Variants in CNTF observed in about 807,000 individuals in gnomAD.
The protein encoded by CNTF is Ciliary Neuronotrophic Factor.
In CNTF, 14 loss-of-function variants were observed where a neutral mutation model predicts 13.0. The observed-to-expected ratio is 1.07, with a 90% CI of 0.71 to 1.68. CNTF has a LOEUF of 1.68. Among genes scored for constraint, CNTF ranks in the 40% most tolerant of loss-of-function variants. The pLI is 0.00. For missense variants in CNTF, 283 were observed against 252.5 expected, an observed-to-expected ratio of 1.12 and a Z score of -0.82; for synonymous variants, 98 against 92.4, an observed-to-expected ratio of 1.06 and a Z score of -0.35.
Position 58,622,856 on chromosome 11 carries a change from C to A in CNTF, c.104C>A (p.Thr35Lys). 2 of 1,612,818 alleles carry A rather than the reference C, an allele frequency of 1.2e-6. No individual in the cohort carries two copies. The highest frequency in any genetic ancestry group is 1.7e-6 in the Non-Finnish European group (2 of 1,179,014). The change falls in exon 1 of 2, where the codon ACG becomes AAG. Residue 35 changes from threonine (T) to lysine (K), a missense_variant. By Grantham distance (78) the Thr-to-Lys change is moderately conservative (BLOSUM62 -1). Coordinates refer to ENST00000361987, the MANE Select transcript of CNTF (RefSeq NM_000614.4). The stretch of plus-strand genomic sequence containing the variant: ...ATTCGTTCAGACCTGACTGCTCTTA[C>A]GGAATCCTATGTAAGTTGCCTATTT... ...RKIRSDLTAL[T>K]ESYVKHQGLN...
At position 58,622,776 on chromosome 11, in the gene CNTF, G is replaced by A. The variant is rs200245057; in HGVS notation, c.24G>A (p.Pro8=). The change falls in exon 1 of 2, where the codon CCG becomes CCA. Residue 8 remains proline, a synonymous_variant. Coordinates refer to ENST00000361987, the MANE Select transcript of CNTF (RefSeq NM_000614.4). ...GGATGGCTTTCACAGAGCATTCACC[G>A]CTGACCCCTCACCGTCGGGACCTCT... MAFTEHS[P]LTPHRRDLCS... is the part of the protein sequence containing the mutation. The A allele has an allele frequency of 6.2e-6, 10 of 1,613,854 alleles. No individual in the cohort carries two copies. The highest frequency in any genetic ancestry group is 3.3e-5 in the Admixed American group (2 of 59,990).
intron 1 of CNTF, 42 bp downstream of exon 1, chr11:58,622,908 T>G (rs1375797122): frequency 7.0e-7 from 1 of 1,422,338 alleles, no homozygotes; most frequent in African/African-American, 1.4e-5. Flanking sequence ...CCCTTCATCT[T>G]TTTTGATCCA....
chr11:58,624,798 GACA>G lies in CNTF; in HGVS notation c.*279_*281del. 1 of 404,908 alleles carries G rather than the reference GACA, an allele frequency of 2.5e-6. No individual in the cohort carries two copies. Among genetic ancestry groups the G allele is most frequent in the South Asian group, 2.4e-5 (1 of 41,994 alleles). 25.1% of individuals were successfully genotyped at this position (404,908 alleles called of 1,614,324 possible). ...GCAGGTGTAAGAGAGTGGGAGCAGG[GACA>G]ACGTCCTTCCACTTCAGGGTTCTAA... On this transcript the variant is annotated 3_prime_UTR_variant, in exon 2 of 2. Coordinates refer to ENST00000361987, the MANE Select transcript of CNTF (RefSeq NM_000614.4).
In CNTF at chr11:58,624,442, G is replaced by T; in HGVS notation, c.523G>T (p.Asp175Tyr). ...LSQWTVRSIH[D>Y]LRFISSHQTG... is the part of the protein sequence containing the mutation. ...ACAGTGGACAGTAAGGTCCATCCAT[G>T]ACCTTCGTTTCATTTCTTCTCATCA... The change falls in exon 2 of 2, where the codon GAC becomes TAC. Residue 175 changes from aspartate to tyrosine, a missense_variant. Transcript: ENST00000361987. 1 of 1,613,966 alleles carries T rather than the reference G, an allele frequency of 6.2e-7. No individual in the cohort carries two copies. The highest frequency in any genetic ancestry group is 8.5e-7 in the Non-Finnish European group (1 of 1,179,968).
chr11:58,623,519 C>T (rs957935030), intron 1 of CNTF, among the ~76,000 whole-genome samples: 3 of 152,166 alleles, frequency 2.0e-5, no homozygotes, highest in Admixed American at 6.5e-5. Flanking sequence ...AATACTCCAA[C>T]CCCTGTGGAG....
In CNTF at chr11:58,624,664, C is replaced by A; in HGVS notation, c.*142C>A. On this transcript the variant is annotated 3_prime_UTR_variant, in exon 2 of 2. Transcript: ENST00000361987. ...TTCTTTTTTCTCTGACCACCTGCAG[C>A]CTGTTGAAGGACTACAGGTATTTTC... 1.1e-6 allele frequency: 1 copy of A among 930,144 alleles called. No individual in the cohort carries two copies. Among genetic ancestry groups the A allele is most frequent in the Non-Finnish European group, 1.6e-6 (1 of 609,262 alleles). The allele number at this position is 930,144 out of a possible 1,614,324, so 57.6% of individuals were successfully genotyped here.
chr11:58,624,498 T>C lies in CNTF; in HGVS notation c.579T>C (p.Tyr193=), dbSNP rs759739322. The change falls in exon 2 of 2, where the codon TAT becomes TAC. Residue 193 remains tyrosine, a synonymous_variant. Transcript: ENST00000361987. ...QTGIPARGSH[Y]IANNKKM is the part of the protein sequence containing the mutation. ...GGATCCCAGCACGTGGGAGCCATTA[T>C]ATTGCTAACAACAAGAAAATGTAGC... The C allele has an allele frequency of 6.2e-7, 1 of 1,613,976 alleles. No individual in the cohort carries two copies. The highest frequency in any genetic ancestry group is 1.3e-5 in the African/African-American group (1 of 74,920).
At chr11:58,622,994 T>C in intron 1 of CNTF, 128 bp downstream of exon 1, 2 of 746,646 alleles carry the variant, frequency 2.7e-6, no homozygotes, top group South Asian at 1.5e-5. Context: ...ATAGGTTATT[T>C]GACATGGGCC....
chr11:58,623,242 T>C (rs1855880085), intron 1 of CNTF, among the ~76,000 whole-genome samples: 3 of 152,206 alleles, frequency 2.0e-5, no homozygotes, highest in South Asian at 4.1e-4. Flanking sequence ...ATGAAAGGTT[T>C]ATGGGATAGG....
intron 1 of CNTF, among the ~76,000 whole-genome samples, 188 bp downstream of exon 1, chr11:58,623,054 T>G (rs536302857): frequency 3.7e-4 from 56 of 152,308 alleles, no homozygotes; most frequent in African/African-American, 1.3e-3. Context: ...CTGGGCTGTT[T>G]AGGAGATGAA....
Position 58,622,686 on chromosome 11 carries a change from T to A in CNTF, c.-67T>A. On this transcript the variant is annotated 5_prime_UTR_variant, in exon 1 of 2. Coordinates refer to ENST00000361987, the MANE Select transcript of CNTF (RefSeq NM_000614.4). ...GTTTAGTCTTTGAGAGTCACATCTCTTATTTGGACCAGTATAGACAGAAGT... is the reference window on the plus strand; with the variant it reads ...GTTTAGTCTTTGAGAGTCACATCTCATATTTGGACCAGTATAGACAGAAGT... The A allele has an allele frequency of 8.6e-7, 1 of 1,162,306 alleles. No individual in the cohort carries two copies. Among genetic ancestry groups the A allele is most frequent in the Non-Finnish European group, 1.3e-6 (1 of 776,994 alleles). The allele number at this position is 1,162,306 out of a possible 1,614,324, so 72.0% of individuals were successfully genotyped here. A position where few individuals can be genotyped will look rare whatever the true frequency, so the allele number is the denominator to read the frequency against.
chr11:58,623,099 GA>G (rs1367160387), intron 1 of CNTF, among the ~76,000 whole-genome samples: 1 of 152,268 alleles, frequency 6.6e-6, no homozygotes, highest in East Asian at 1.9e-4. Flanking sequence ...TGGAGTTCTA[GA>G]AAGGATTGGT....
intron 1 of CNTF, 69 bp from the exon 2 acceptor site, chr11:58,623,965 A>G (rs1483013010): frequency 6.4e-7 from 1 of 1,560,302 alleles, no homozygotes; most frequent in East Asian, 2.2e-5. Flanking sequence ...TTTGTATGAA[A>G]TTTAGGGGTG....
At position 58,622,703 on chromosome 11, in the gene CNTF, G is replaced by T; in HGVS notation, c.-50G>T. The T allele has an allele frequency of 7.4e-7, 1 of 1,345,052 alleles. No individual in the cohort carries two copies. Among genetic ancestry groups the T allele is most frequent in the South Asian group, 1.2e-5 (1 of 84,258 alleles). 83.3% of individuals were successfully genotyped at this position (1,345,052 alleles called of 1,614,324 possible). A position where few individuals can be genotyped will look rare whatever the true frequency, so the allele number is the denominator to read the frequency against. On this transcript the variant is annotated 5_prime_UTR_variant, in exon 1 of 2. Transcript: ENST00000361987. ...CACATCTCTTATTTGGACCAGTATA[G>T]ACAGAAGTAAACCCAGCTGACTTGT... is the stretch of plus-strand genomic sequence containing the variant.
rs1590637520 is a variant in CNTF at position 58,624,494 on chromosome 11, A to G, written c.575A>G (p.His192Arg). ...ACTGGGATCCCAGCACGTGGGAGCCATTATATTGCTAACAACAAGAAAATG... is the reference window on the plus strand; with the variant it reads ...ACTGGGATCCCAGCACGTGGGAGCCGTTATATTGCTAACAACAAGAAAATG... ...HQTGIPARGS[H>R]YIANNKKM Residue 192 changes from histidine to arginine, a missense_variant, in exon 2 of 2, where the codon CAT (histidine) becomes CGT (arginine). His to Arg is a conservative substitution (Grantham distance 29). Coordinates refer to ENST00000361987, the MANE Select transcript of CNTF (RefSeq NM_000614.4). 1.2e-5 allele frequency: 20 copies of G among 1,614,044 alleles called. No individual in the cohort carries two copies. The highest frequency in any genetic ancestry group is 1.7e-5 in the Non-Finnish European group (20 of 1,179,962).
Position 58,624,355 on chromosome 11 carries a change from G to C in CNTF, c.436G>C (p.Val146Leu). Residue 146 changes from valine (V) to leucine (L), a missense_variant, in exon 2 of 2, where the codon GTT becomes CTT. Val to Leu is a conservative substitution (Grantham distance 32). Transcript: ENST00000361987. The part of the protein sequence containing the change: ...RNEADGMPIN[V>L]GDGGLFEKKL... ...TGAGGCTGATGGGATGCCTATTAATGTTGGAGATGGTGGTCTCTTTGAGAA... is the reference window on the plus strand; with the variant it reads ...TGAGGCTGATGGGATGCCTATTAATCTTGGAGATGGTGGTCTCTTTGAGAA... 6.2e-7 allele frequency: 1 copy of C among 1,614,014 alleles called. No homozygotes were observed.
chr11:58,623,415 A>G (rs541524095), intron 1 of CNTF, among the ~76,000 whole-genome samples: 1 of 152,322 alleles, frequency 6.6e-6, no homozygotes, highest in Non-Finnish European at 1.5e-5. Flanking sequence ...AAACTTGTGG[A>G]AGTGTCAAAT....
At chr11:58,622,927 C>T (rs1259749626) in intron 1 of CNTF, 61 bp downstream of exon 1, 3 of 1,146,818 alleles carry the variant, frequency 2.6e-6, no homozygotes, top group Non-Finnish European at 3.9e-6. Flanking sequence ...CAGCAACTTA[C>T]CATCACGCAT....
chr11:58,624,710 T>TA lies in CNTF; in HGVS notation c.*189dup, dbSNP rs1855906747. 1.6e-6 allele frequency: 1 copy of TA among 626,856 alleles called. No homozygotes were observed. The highest frequency in any genetic ancestry group is 1.8e-5 in the African/African-American group (1 of 54,396). 38.8% of individuals were successfully genotyped at this position (626,856 alleles called of 1,614,324 possible). A position where few individuals can be genotyped will look rare whatever the true frequency, so the allele number is the denominator to read the frequency against. Reference sequence around the variant, plus strand: ...TTTTCATCAAGTAGCGTTGGAGACATACACAAATGGGCATACAAGTTTAGC... The same window carrying TA: ...TTTTCATCAAGTAGCGTTGGAGACATAACACAAATGGGCATACAAGTTTAGC... On this transcript the variant is annotated 3_prime_UTR_variant, in exon 2 of 2. Coordinates refer to ENST00000361987, the MANE Select transcript of CNTF (RefSeq NM_000614.4).
Sources: gnomAD v4.1 joint callset for allele counts (sites outside exome capture counted in the v4.1 genomes callset) on GRCh38, gnomAD v4.1.1 for gene constraint, MANE v1.5 for transcripts, NCBI Gene and HGNC (gene_info 2026-07-23, HGNC 2026-07-21) for gene names.